Variants in PHTF2 observed in about 807,000 individuals in gnomAD.
The protein encoded by PHTF2 is protein PHTF2.
Under a neutral mutation model 101.2 loss-of-function variants are expected in PHTF2, and 60 were observed. The observed-to-expected ratio is 0.59, with a 90% CI of 0.48 to 0.73. The LOEUF (loss-of-function observed/expected upper bound fraction) is 0.73, where lower values mean the gene tolerates loss of function less well. Among genes scored for constraint, PHTF2 ranks in the 30% least tolerant of loss-of-function variants. The pLI is 0.00. For missense variants in PHTF2, 747 were observed against 908.7 expected (o/e 0.82, Z 2.29); for synonymous variants, 311 against 307.3 (o/e 1.01, Z -0.13).
At chr7:77,849,602 G>A (rs1732376168) in intron 2 of PHTF2, among the ~76,000 whole-genome samples, 1 of 152,174 alleles carries the variant, frequency 6.6e-6, no homozygotes, top group Admixed American at 6.6e-5. Context: ...TCTGAAGAAT[G>A]TCATTGGCAT....
intron 6 of PHTF2, 58 bp from the exon 6 acceptor site, chr7:77,901,704 A>T: frequency 1.0e-6 from 1 of 983,282 alleles, no homozygotes; most frequent in Non-Finnish European, 1.4e-6. Context: ...TTTTTTCTTT[A>T]AAGAAATTAA....
chr7:77,900,268 CT>C (rs1801269346), intron 5 of PHTF2, among the ~76,000 whole-genome samples: 1 of 152,252 alleles, frequency 6.6e-6, no homozygotes, highest in Non-Finnish European at 1.5e-5. Flanking sequence ...AGTCTGCATC[CT>C]TTCTGGTCCT....
At chr7:77,847,876 C>T (rs1796432200) in intron 2 of PHTF2, among the ~76,000 whole-genome samples, 1 of 152,192 alleles carries the variant, frequency 6.6e-6, no homozygotes, top group Non-Finnish European at 1.5e-5. Context: ...TTCCCAGCCT[C>T]TGGTAATGAT....
intron 3 of PHTF2, among the ~76,000 whole-genome samples, chr7:77,884,176 GAC>G (rs746841229): frequency 3.0e-4 from 46 of 152,246 alleles, no homozygotes; most frequent in Middle Eastern, 3.4e-3. Context: ...CTCCAAATAT[GAC>G]AAAGTGTATT....
intron 12 of PHTF2, among the ~76,000 whole-genome samples, chr7:77,936,988 T>TA (rs1805198350): frequency 6.6e-6 from 1 of 150,948 alleles, no homozygotes; most frequent in African/African-American, 2.4e-5. Flanking sequence ...CTACTAAAAA[T>TA]AAAAAAATTA....
intron 13 of PHTF2, among the ~76,000 whole-genome samples, chr7:77,939,541 T>C (rs1360847168): frequency 1.9e-4 from 28 of 148,968 alleles, no homozygotes; most frequent in African/African-American, 6.2e-4. Flanking sequence ...TTGAGCCCAT[T>C]ATTGTGCCAC....
chr7:77,834,127 AC>A (rs1269912919), intron 1 of PHTF2, among the ~76,000 whole-genome samples: 1 of 152,012 alleles, frequency 6.6e-6, no homozygotes, highest in Non-Finnish European at 1.5e-5. Flanking sequence ...AGCCTGGACA[AC>A]ATAGCCAGAC....
rs530764527 is a variant in PHTF2, at chr7:77,858,295, A to G, written c.147+3461A>G. On this transcript the variant is annotated intron_variant, in intron 3 of 19. Coordinates refer to ENST00000416283, the Ensembl canonical transcript of PHTF2. ...CACTGTCTCCAGTTTGGGTATCTGT[A>G]GCCTAAATAATTTGGGTTTTAGTTT... Among the ~76,000 whole-genome samples the G allele has an allele frequency of 3.9e-4, 59 of 152,314 alleles. No homozygotes were observed. In the Middle Eastern group the frequency reaches 0.01, roughly 26 times the overall value.
At position 77,920,226 on chromosome 7, in the gene PHTF2, C is replaced by T. The variant is rs944927985; in HGVS notation, c.777-53C>T. Reference sequence around the variant, plus strand: ...AACAGATTATAATTTCTATCAGTAACCTATCCAAAATAAGCTAAGTCCAAA... The same window carrying T: ...AACAGATTATAATTTCTATCAGTAATCTATCCAAAATAAGCTAAGTCCAAA... On this transcript the variant is annotated intron_variant, in intron 9 of 19. Coordinates refer to ENST00000416283, the Ensembl canonical transcript of PHTF2. 4 of 928,726 alleles carry T rather than the reference C, an allele frequency of 4.3e-6. No individual in the cohort carries two copies. The African/African-American group carries it at 6.7e-5, about 16-fold the overall frequency. 57.5% of individuals were successfully genotyped at this position (928,726 alleles called of 1,614,324 possible).
At chr7:77,896,739 A>G (rs1800908139) in intron 5 of PHTF2, among the ~76,000 whole-genome samples, 1 of 152,218 alleles carries the variant, frequency 6.6e-6, no homozygotes, top group Non-Finnish European at 1.5e-5. Context: ...AGAGGTACGT[A>G]ACTGTGGTGT....
chr7:77,806,605 C>G (rs1246909110), intron 1 of PHTF2, among the ~76,000 whole-genome samples: 1 of 152,028 alleles, frequency 6.6e-6, no homozygotes, highest in East Asian at 1.9e-4. Flanking sequence ...GGTCTTGGGT[C>G]TTGCTTTTTA....
chr7:77,851,803 T>G lies in PHTF2; in HGVS notation c.46-2930T>G, dbSNP rs1796783988. 2.0e-5 allele frequency among the ~76,000 whole-genome samples: 3 copies of G among 152,116 alleles called. No individual in the cohort carries two copies. In the East Asian group the frequency reaches 5.8e-4, roughly 29 times the overall value. On this transcript the variant is annotated intron_variant, in intron 2 of 19. Transcript: ENST00000416283. ...TTATTTACGATGCACTGTTAGGTTG[T>G]TTGAGTTTTTCAACTTTTTTGATAT...
chr7:77,804,701 T>C (rs2150466021), intron 1 of PHTF2, among the ~76,000 whole-genome samples: 1 of 152,288 alleles, frequency 6.6e-6, no homozygotes, highest in Non-Finnish European at 1.5e-5. Flanking sequence ...TATCTTTAAT[T>C]GCCATTCAAT....
chr7:77,816,139 A>G (rs1405868930), intron 1 of PHTF2, among the ~76,000 whole-genome samples: 2 of 152,058 alleles, frequency 1.3e-5, no homozygotes, highest in African/African-American at 4.8e-5. Flanking sequence ...CAATGGTGCA[A>G]TCTTGGCTGG....
intron 3 of PHTF2, among the ~76,000 whole-genome samples, chr7:77,865,938 C>T (rs1352127612): frequency 6.6e-6 from 1 of 151,992 alleles, no homozygotes; most frequent in Non-Finnish European, 1.5e-5. Context: ...AATCCCAGTA[C>T]TTTGGGAGGC....
intron 1 of PHTF2, among the ~76,000 whole-genome samples, chr7:77,812,683 A>T (rs1301797292): frequency 6.6e-6 from 1 of 151,000 alleles, no homozygotes; most frequent in Admixed American, 6.6e-5. Flanking sequence ...TCCACCTCCC[A>T]GGTTCACACC....
At chr7:77,954,515 T>C (rs1313457889) in intron 19 of PHTF2, among the ~76,000 whole-genome samples, 1 of 151,170 alleles carries the variant, frequency 6.6e-6, no homozygotes, top group Non-Finnish European at 1.5e-5. Context: ...TGGCCAAAAG[T>C]TGTATTATTT....
chr7:77,881,583 T>C (rs982863622), intron 3 of PHTF2, among the ~76,000 whole-genome samples: 32 of 152,164 alleles, frequency 2.1e-4, no homozygotes, highest in African/African-American at 7.5e-4. Context: ...GTTGCCCACG[T>C]TGGTCTTGAA....
intron 1 of PHTF2, among the ~76,000 whole-genome samples, chr7:77,809,862 TG>T (rs1329312946): frequency 1.3e-5 from 2 of 152,210 alleles, no homozygotes; most frequent in African/African-American, 4.8e-5. Context: ...TTTCTTCTGA[TG>T]GAAGCAGATT....
Sources: gnomAD v4.1 joint callset for allele counts (sites outside exome capture counted in the v4.1 genomes callset) on GRCh38, gnomAD v4.1.1 for gene constraint, MANE v1.5 for transcripts, NCBI Gene and HGNC (gene_info 2026-07-23, HGNC 2026-07-21) for gene names.